MR1: variants seen among roughly 807,000 people sequenced by gnomAD.
The protein encoded by MR1 is major histocompatibility complex class I-related protein 1.
In MR1, 44 loss-of-function variants were observed where a neutral mutation model predicts 37.8. The ratio of observed to expected loss-of-function variants is 1.16; its 90% CI spans 0.91 to 1.50. MR1 has a LOEUF of 1.50. MR1 is among the 40% of genes most tolerant of loss of function. The pLI, the probability that MR1 is intolerant of heterozygous loss-of-function variation, is 0.00. For missense variants in MR1, 386 were observed against 419.1 expected, an observed-to-expected ratio of 0.92 and a Z score of 0.69; for synonymous variants, 153 against 155.8, an observed-to-expected ratio of 0.98 and a Z score of 0.13.
intron 1 of MR1, among the ~76,000 whole-genome samples, chr1:181,039,663 C>T (rs971162152): frequency 2.0e-5 from 3 of 151,992 alleles, no homozygotes; most frequent in Admixed American, 6.6e-5. Context: ...GTCATGAGTT[C>T]GAGACCAGCC....
upstream of MR1, chr1:181,033,761 A>G: frequency 2.6e-6 from 1 of 385,018 alleles, no homozygotes; most frequent in Admixed American, 4.4e-5. Flanking sequence ...ATAAATATTT[A>G]AAAATTGGGA....
chr1:181,049,359 C>T (rs200065043), intron 2 of MR1, 47 bp downstream of exon 2: 56 of 1,573,540 alleles, frequency 3.6e-5, no homozygotes, highest in East Asian at 9.3e-5. Flanking sequence ...CACCCCAACC[C>T]GCAGAGACCC....
At chr1:181,038,368 TAAA>T (rs764322075) in intron 1 of MR1, among the ~76,000 whole-genome samples, 2 of 152,198 alleles carry the variant, frequency 1.3e-5, no homozygotes, top group Non-Finnish European at 2.9e-5. Context: ...TCCCCTTAAC[TAAA>T]AATATTGCCA....
chr1:181,052,687 T>C (rs1225570591), intron 4 of MR1, among the ~76,000 whole-genome samples, 177 bp downstream of exon 4: 1 of 152,204 alleles, frequency 6.6e-6, no homozygotes, highest in African/African-American at 2.4e-5. Flanking sequence ...CTTCATACTA[T>C]TAAAAAATTA....
chr1:181,035,247 G>A (rs538184417), intron 1 of MR1, among the ~76,000 whole-genome samples: 1 of 152,008 alleles, frequency 6.6e-6, no homozygotes, highest in African/African-American at 2.4e-5. Context: ...TGAGGCAGGA[G>A]AATCACTTGA....
chr1:181,048,738 G>T (rs987460987), intron 1 of MR1, among the ~76,000 whole-genome samples: 1 of 152,290 alleles, frequency 6.6e-6, no homozygotes, highest in South Asian at 2.1e-4. Flanking sequence ...TCCCCAATGA[G>T]TGGTCTTCTC....
rs1215604245 is a variant in MR1 at position 181,059,293 on chromosome 1, C to T, written c.*4028C>T. 6.6e-6 allele frequency: 1 copy of T among 152,260 alleles called. No homozygotes were observed. 9.4% of individuals were successfully genotyped at this position (152,260 alleles called of 1,614,324 possible). On this transcript the variant is annotated 3_prime_UTR_variant, in exon 6 of 6. Transcript: ENST00000367580. ...ATTGCCATCTTTGAGCATTGTATGT[C>T]TCTGTAACATCTCTGCATCTCCTTT...
At position 181,055,086 on chromosome 1, in the gene MR1, C is replaced by G. The variant is rs957382662; in HGVS notation, c.986-139C>G. Reference sequence around the variant, plus strand: ...TTTACAAATTTGAGCTAAAGTTTGTCAAGTACTAAGAGAATCTTGACAAAG... The same window carrying G: ...TTTACAAATTTGAGCTAAAGTTTGTGAAGTACTAAGAGAATCTTGACAAAG... On this transcript the variant is annotated intron_variant, in intron 5 of 5. Coordinates refer to ENST00000367580, the MANE Select transcript of MR1 (RefSeq NM_001385161.1). 9 of 730,354 alleles carry G rather than the reference C, an allele frequency of 1.2e-5. No individual in the cohort carries two copies. The Admixed American group carries it at 2.2e-4, about 18-fold the overall frequency. The allele number at this position is 730,354 out of a possible 1,614,324, so 45.2% of individuals were successfully genotyped here. A position where few individuals can be genotyped will look rare whatever the true frequency, so the allele number is the denominator to read the frequency against.
intron 4 of MR1, among the ~76,000 whole-genome samples, chr1:181,053,255 G>A (rs1022347660): frequency 6.6e-6 from 1 of 151,808 alleles, no homozygotes. Flanking sequence ...GATGGCATGC[G>A]CCTGTAGTCC....
chr1:181,039,967 T>G (rs1657474879), intron 1 of MR1, among the ~76,000 whole-genome samples: 2 of 152,160 alleles, frequency 1.3e-5, no homozygotes, highest in South Asian at 2.1e-4. Flanking sequence ...TCACAGCCTT[T>G]TGTAAGAATG....
intron 3 of MR1, 147 bp downstream of exon 3, chr1:181,050,433 A>G (rs2102396569): frequency 9.8e-7 from 1 of 1,015,352 alleles, no homozygotes; most frequent in Non-Finnish European, 1.4e-6. Flanking sequence ...GCCCCCACGA[A>G]AACTTTCCCT....
Position 181,041,081 on chromosome 1 carries a change from CAATAAATAAATAAATA to C in MR1, c.67+7034_67+7049del, listed in dbSNP as rs56248336. ...CGGGTGACAGAGTGAGACTCTGTCTCAATAAATAAATAAATAAATAAATAAATAAATAAATAAATAA... is the reference window on the plus strand; with the variant it reads ...CGGGTGACAGAGTGAGACTCTGTCTCAATAAATAAATAAATAAATAAATAA... On this transcript the variant is annotated intron_variant, in intron 1 of 5. Coordinates refer to ENST00000367580, the MANE Select transcript of MR1 (RefSeq NM_001385161.1). Among the ~76,000 whole-genome samples, 44 of 146,586 alleles carry C rather than the reference CAATAAATAAATAAATA, an allele frequency of 3.0e-4. 1 individual carries two copies. The highest frequency in any genetic ancestry group is 4.0e-4 in the African/African-American group (16 of 39,788).
intron 3 of MR1, among the ~76,000 whole-genome samples, chr1:181,051,818 G>A (rs935058085): frequency 1.5e-4 from 23 of 152,262 alleles, no homozygotes; most frequent in African/African-American, 4.8e-4. Flanking sequence ...TGTTATTTAC[G>A]TGCACTAAAC....
intron 1 of MR1, among the ~76,000 whole-genome samples, chr1:181,044,644 C>T (rs921102719): frequency 2.0e-5 from 3 of 152,160 alleles, no homozygotes; most frequent in Non-Finnish European, 4.4e-5. Flanking sequence ...ACCTGGAGTT[C>T]CCCACTCAGC....
Position 181,052,393 on chromosome 1 carries a change from A to C in MR1, c.763A>C (p.Ser255Arg). ...AATTGATTATGGAGACATTCTTCCC[A>C]GTGGGGATGGAACCTATCAGGCGTG... is the stretch of plus-strand genomic sequence containing the variant. ...QEIDYGDILP[S>R]GDGTYQAWAS... is the part of the protein sequence containing the mutation. Residue 255 changes from serine to arginine, a missense_variant, in exon 4 of 6, where the codon AGT becomes CGT. Physicochemically the swap from Ser to Arg is moderately radical, Grantham distance 110. Coordinates refer to ENST00000367580, the MANE Select transcript of MR1 (RefSeq NM_001385161.1). 1 of 1,614,224 alleles carries C rather than the reference A, an allele frequency of 6.2e-7. No homozygotes were observed. Among genetic ancestry groups the C allele is most frequent in the East Asian group, 2.2e-5 (1 of 44,888 alleles).
rs1204929816 is a variant in MR1 at position 181,055,209 on chromosome 1, A to T, written c.986-16A>T. 6.2e-7 allele frequency: 1 copy of T among 1,612,874 alleles called. No homozygotes were observed. Among genetic ancestry groups the T allele is most frequent in the Non-Finnish European group, 8.5e-7 (1 of 1,179,010 alleles). ...AAACATTCTTGTAATCTGACTAAAA[A>T]CCCCTTTCCTTTCAGAGCAAAATGG... On this transcript the variant is annotated splice_polypyrimidine_tract_variant and intron_variant, in intron 5 of 5. Coordinates refer to ENST00000367580, the MANE Select transcript of MR1 (RefSeq NM_001385161.1).
At chr1:181,053,746 C>T in intron 5 of MR1, 69 bp downstream of exon 5, 2 of 1,147,568 alleles carry the variant, frequency 1.7e-6, no homozygotes, top group South Asian at 1.3e-5. Context: ...TTATTTTCTG[C>T]ACCTGCTGCT....
At chr1:181,046,267 C>T (rs1340323514) in intron 1 of MR1, among the ~76,000 whole-genome samples, 1 of 152,392 alleles carries the variant, frequency 6.6e-6, no homozygotes, top group East Asian at 1.9e-4. Flanking sequence ...GTGGGGGATC[C>T]ACTGGGTGAA....
Position 181,046,778 on chromosome 1 carries a change from G to A in MR1, c.68-2274G>A, listed in dbSNP as rs193027381. Among the ~76,000 whole-genome samples, 30 of 152,160 alleles carry A rather than the reference G, an allele frequency of 2.0e-4. No homozygotes were observed. In the East Asian group the frequency reaches 3.5e-3, roughly 18 times the overall value. Reference sequence around the variant, plus strand: ...CTTTATGAGCTGTGACACTCATGGCGAAGGTCTGCAGCTTCACTCCTGAAG... The same window carrying A: ...CTTTATGAGCTGTGACACTCATGGCAAAGGTCTGCAGCTTCACTCCTGAAG... On this transcript the variant is annotated intron_variant, in intron 1 of 5. Coordinates refer to ENST00000367580, the MANE Select transcript of MR1 (RefSeq NM_001385161.1).
Sources: allele counts gnomAD v4.1 joint callset (sites outside exome capture counted in the v4.1 genomes callset), GRCh38; gene constraint gnomAD v4.1.1; transcripts MANE v1.5; gene names NCBI Gene and HGNC (gene_info 2026-07-23, HGNC 2026-07-21).